Variants in TMEM244 observed in about 807,000 individuals in gnomAD.
TMEM244 encodes the protein transmembrane protein 244, also known as putative transmembrane protein 244.
Under a neutral mutation model 15.8 loss-of-function variants are expected in TMEM244, and 13 were observed. The observed-to-expected ratio is 0.82, with a 90% CI of 0.53 to 1.30. TMEM244 has a LOEUF of 1.30. TMEM244 is among the 50% of genes most tolerant of loss of function. The probability of loss-of-function intolerance (pLI) is 0.00; values close to 1 mark genes in which losing one functional copy is unlikely to be tolerated. For synonymous variants in TMEM244, 45 were observed against 48.7 expected, an observed-to-expected ratio of 0.92 and a Z score of 0.32; for missense variants, 161 against 144.9, an observed-to-expected ratio of 1.11 and a Z score of -0.57.
At chr6:129,849,751 A>ATC (rs1428476483) in intron 1 of TMEM244, among the ~76,000 whole-genome samples, 1 of 152,174 alleles carries the variant, frequency 6.6e-6, no homozygotes, top group Admixed American at 6.5e-5. Flanking sequence ...AGAACTACTG[A>ATC]TCTGGAGGCA....
chr6:129,858,012 T>G (rs775079223), intron 1 of TMEM244, among the ~76,000 whole-genome samples: 7 of 152,068 alleles, frequency 4.6e-5, no homozygotes, highest in Non-Finnish European at 8.8e-5. Context: ...CTTAGATATA[T>G]GAACATCTAA....
chr6:129,833,953 T>G (rs1776365783), intron 3 of TMEM244, among the ~76,000 whole-genome samples: 1 of 152,060 alleles, frequency 6.6e-6, no homozygotes, highest in African/African-American at 2.4e-5. Flanking sequence ...CAGTTCTGAG[T>G]TTTAAGAAAT....
chr6:129,837,662 G>A (rs1249199659), intron 3 of TMEM244, among the ~76,000 whole-genome samples: 3 of 152,164 alleles, frequency 2.0e-5, no homozygotes, highest in Non-Finnish European at 4.4e-5. Flanking sequence ...CCATCAGTGT[G>A]CTGTATTCAA....
chr6:129,851,993 A>G (rs117134048), intron 1 of TMEM244, among the ~76,000 whole-genome samples: 2,291 of 152,284 alleles, frequency 0.015, 21 homozygotes, highest in Non-Finnish European at 0.022. Context: ...AAGGTAAGAT[A>G]ATGGTATGGT....
At chr6:129,843,497 T>C (rs370205776) in intron 3 of TMEM244, 33 bp downstream of exon 3, 2 of 1,508,680 alleles carry the variant, frequency 1.3e-6, no homozygotes, top group Non-Finnish European at 1.8e-6. Flanking sequence ...TTTAGTTCAC[T>C]AATTGATAAG....
rs754149405 is a variant in TMEM244, at chr6:129,831,393, T to C, written c.320-7A>G. 4.5e-6 allele frequency: 7 copies of C among 1,558,718 alleles called. No individual in the cohort carries two copies. Among genetic ancestry groups the C allele is most frequent in the South Asian group, 2.2e-5 (2 of 89,434 alleles). ...AAGGGGAATTCCAACATAACTGCAATAGAAAAAAAATGTTTAATTTCAAAA... is the reference window on the plus strand; with the variant it reads ...AAGGGGAATTCCAACATAACTGCAACAGAAAAAAAATGTTTAATTTCAAAA... On this transcript the variant is annotated splice_polypyrimidine_tract_variant and splice_region_variant and intron_variant, in intron 4 of 4. Coordinates refer to ENST00000368143, the MANE Select transcript of TMEM244 (RefSeq NM_001010876.2).
intron 3 of TMEM244, 86 bp downstream of exon 3, chr6:129,843,444 T>C (rs554437549): frequency 1.2e-6 from 1 of 855,986 alleles, no homozygotes; most frequent in East Asian, 2.6e-5. Context: ...ACAGGCCTGA[T>C]ATTTAAAATT....
Position 129,845,830 on chromosome 6 carries a change from A to G in TMEM244, c.56T>C (p.Leu19Pro). 1 of 1,613,034 alleles carries G rather than the reference A, an allele frequency of 6.2e-7. No individual in the cohort carries two copies. Among genetic ancestry groups the G allele is most frequent in the Non-Finnish European group, 8.5e-7 (1 of 1,179,706 alleles). The change falls in exon 2 of 5, where the codon CTA (leucine) becomes CCA (proline). Residue 19 changes from leucine to proline, a missense_variant. Transcript: ENST00000368143. ...PSKVVLQKFL[L>P]CVILFYTVYY... ...CACAGTGTAGAAAAGAATGACACAT[A>G]GAAGAAACTTCTGCAAAACAACCTG...
intron 2 of TMEM244, among the ~76,000 whole-genome samples, chr6:129,845,530 G>A (rs894363809): frequency 2.0e-5 from 3 of 152,140 alleles, no homozygotes; most frequent in African/African-American, 4.8e-5. Flanking sequence ...TGTAATCCTA[G>A]CATTTTGGGA....
At chr6:129,845,420 C>A (rs1441407727) in intron 2 of TMEM244, among the ~76,000 whole-genome samples, 1 of 152,140 alleles carries the variant, frequency 6.6e-6, no homozygotes, top group African/African-American at 2.4e-5. Flanking sequence ...GTGATTCTAT[C>A]CACTTCATTT....
At chr6:129,837,762 G>A (rs9375669) in intron 3 of TMEM244, among the ~76,000 whole-genome samples, 20,231 of 151,700 alleles carry the variant, frequency 0.13, 1,457 homozygotes, top group South Asian at 0.22. Context: ...AAAAAAAGCG[G>A]GTTACAATCT....
intron 3 of TMEM244, among the ~76,000 whole-genome samples, chr6:129,834,131 A>G (rs1396149954): frequency 1.3e-5 from 2 of 152,250 alleles, no homozygotes; most frequent in African/African-American, 4.8e-5. Flanking sequence ...AGAAAGTCTC[A>G]TAAATGACAG....
chr6:129,835,443 T>C (rs1269710736), intron 3 of TMEM244, among the ~76,000 whole-genome samples: 1 of 150,840 alleles, frequency 6.6e-6, no homozygotes, highest in Non-Finnish European at 1.5e-5. Flanking sequence ...ACTTCCAAGA[T>C]GGCTGAATAG....
intron 3 of TMEM244, among the ~76,000 whole-genome samples, chr6:129,841,752 A>G (rs1024095294): frequency 1.3e-5 from 2 of 152,148 alleles, no homozygotes; most frequent in African/African-American, 2.4e-5. Flanking sequence ...GATATTAGTA[A>G]TTGGAGTGTT....
At chr6:129,833,726 C>A in intron 3 of TMEM244, 141 bp from the exon 4 acceptor site, 1 of 812,940 alleles carries the variant, frequency 1.2e-6, no homozygotes, top group East Asian at 2.7e-5. Context: ...TCCTAACAAT[C>A]CTCAAATTTG....
chr6:129,850,229 G>A (rs1036769132), intron 1 of TMEM244, among the ~76,000 whole-genome samples: 7 of 152,142 alleles, frequency 4.6e-5, no homozygotes, highest in African/African-American at 1.4e-4. Context: ...TTGATGGAGA[G>A]GGGTTTTGGT....
intron 1 of TMEM244, among the ~76,000 whole-genome samples, chr6:129,855,285 T>A (rs187971758): frequency 1.0e-3 from 159 of 152,346 alleles, no homozygotes; most frequent in African/African-American, 3.5e-3. Context: ...TTTCTTTTTT[T>A]AAAAATGAAT....
At chr6:129,861,032 A>G in intron 1 of TMEM244, 124 bp downstream of exon 1, 1 of 1,020,018 alleles carries the variant, frequency 9.8e-7, no homozygotes, top group South Asian at 1.5e-5. Context: ...TGTTTTCTGT[A>G]TGGTACCCAG....
At chr6:129,858,609 A>T (rs1319353515) in intron 1 of TMEM244, among the ~76,000 whole-genome samples, 2 of 152,112 alleles carry the variant, frequency 1.3e-5, no homozygotes, top group East Asian at 3.8e-4. Flanking sequence ...TAGCATACCT[A>T]CTTTTGGAGG....
Sources: gnomAD v4.1 joint callset for allele counts (sites outside exome capture counted in the v4.1 genomes callset) on GRCh38, gnomAD v4.1.1 for gene constraint, MANE v1.5 for transcripts, NCBI Gene and HGNC (gene_info 2026-07-23, HGNC 2026-07-21) for gene names.